The following RFC2 variants were observed in gnomAD, a reference collection of about 807,000 sequenced individuals.
RFC2 encodes the protein replication factor C subunit 2.
Under a neutral mutation model 44.8 loss-of-function variants are expected in RFC2, and 34 were observed. The ratio of observed to expected loss-of-function variants is 0.76; its 90% confidence interval spans 0.58 to 1.01. The LOEUF is 1.01. RFC2 is among the 50% of genes least tolerant of loss of function. The pLI, the probability that RFC2 is intolerant of heterozygous loss-of-function variation, is 0.00. For synonymous variants in RFC2, 177 were observed against 168.9 expected (o/e 1.05, Z -0.37); for missense variants, 400 against 453.6 (o/e 0.88, Z 1.07).
chr7:74,234,486 A>G (rs557262826), intron 10 of RFC2, among the ~76,000 whole-genome samples: 1 of 152,218 alleles, frequency 6.6e-6, no homozygotes, highest in Admixed American at 6.6e-5. Flanking sequence ...ATCAGTCAAT[A>G]CACAAGAGAG....
intron 6 of RFC2, among the ~76,000 whole-genome samples, chr7:74,241,507 C>G (rs935631332): frequency 6.6e-6 from 1 of 152,174 alleles, no homozygotes; most frequent in African/African-American, 2.4e-5. Context: ...GTAATGCGCT[C>G]GTCGGCAACA....
At position 74,232,150 on chromosome 7, in the gene RFC2, G is replaced by C; in HGVS notation, c.1021C>G (p.Leu341Val). Residue 341 changes from leucine (L) to valine (V), a missense_variant, in exon 11 of 11, where the codon CTG (leucine) becomes GTG (valine). Coordinates refer to ENST00000055077, the MANE Select transcript of RFC2 (RefSeq NM_181471.3). ...VNSLLQMAGL[L>V]ARLCQKTMAP... ...ATTGTCTTCTGACACAGCCTTGCCA[G>C]GAGGCCTGCCATCTGCAAAAGAGAG... The C allele has an allele frequency of 6.2e-7, 1 of 1,613,602 alleles. No individual in the cohort carries two copies. The highest frequency in any genetic ancestry group is 8.5e-7 in the Non-Finnish European group (1 of 1,179,476).
chr7:74,234,029 C>A, intron 10 of RFC2: 2 of 412,852 alleles, frequency 4.8e-6, no homozygotes, highest in Non-Finnish European at 9.9e-6. Flanking sequence ...GCTTTATTCA[C>A]AGTCACCACA....
chr7:74,246,105 A>G (rs1191806237), intron 5 of RFC2, among the ~76,000 whole-genome samples: 1 of 151,978 alleles, frequency 6.6e-6, no homozygotes, highest in Non-Finnish European at 1.5e-5. Flanking sequence ...CTGAGGCAGG[A>G]GAATCACGTG....
intron 9 of RFC2, among the ~76,000 whole-genome samples, chr7:74,236,112 G>A (rs1484366702): frequency 5.3e-5 from 8 of 152,232 alleles, no homozygotes; most frequent in African/African-American, 9.6e-5. Flanking sequence ...TCATCCAGCT[G>A]CAGTCCCAAT....
intron 5 of RFC2, among the ~76,000 whole-genome samples, chr7:74,245,714 CA>C (rs1182981268): frequency 0.015 from 1,010 of 65,858 alleles, 3 homozygotes; most frequent in Non-Finnish European, 0.02. Flanking sequence ...CTCCGTCTCA[CA>C]AAAAAAAAAA....
Position 74,238,121 on chromosome 7 carries a change from G to T in RFC2, c.760-679C>A, listed in dbSNP as rs966301554. Among the ~76,000 whole-genome samples the T allele has an allele frequency of 6.6e-6, 1 of 151,928 alleles. No homozygotes were observed. Among genetic ancestry groups the T allele is most frequent in the Admixed American group, 6.6e-5 (1 of 15,226 alleles). Reference sequence around the variant, plus strand: ...GACCCTCCAAGACAAAACAGGGCCCGAACCATCACCCCTGTTTCTGAGCGG... The same window carrying T: ...GACCCTCCAAGACAAAACAGGGCCCTAACCATCACCCCTGTTTCTGAGCGG... On this transcript the variant is annotated intron_variant, in intron 8 of 10. Coordinates refer to ENST00000055077, the MANE Select transcript of RFC2 (RefSeq NM_181471.3). This position sits in a 1 kb window ranked among gnomAD's most constrained non-coding sequence, Gnocchi z 4.0.
chr7:74,239,137 C>A, intron 7 of RFC2, 149 bp from the exon 8 acceptor site: 8 of 570,764 alleles, frequency 1.4e-5, no homozygotes, highest in Non-Finnish European at 2.2e-5. Context: ...GCTGGGATTA[C>A]AGGCATGAGC....
Position 74,254,159 on chromosome 7 carries a change from C to T in RFC2, c.113+112G>A, listed in dbSNP as rs1239620498. ...GATGCCACCCGGGGCCTCCTCCTCC[C>T]TCGGGATTCCCCAAAACGAGCCCCT... On this transcript the variant is annotated intron_variant, in intron 1 of 10. Coordinates refer to ENST00000055077, the MANE Select transcript of RFC2 (RefSeq NM_181471.3). The T allele has an allele frequency of 1.0e-5, 8 of 793,162 alleles. No homozygotes were observed. In the East Asian group the frequency reaches 1.9e-4, roughly 19 times the overall value. The allele number at this position is 793,162 out of a possible 1,614,324, so 49.1% of individuals were successfully genotyped here. A position where few individuals can be genotyped will look rare whatever the true frequency, so the allele number is the denominator to read the frequency against.
At chr7:74,251,992 C>G (rs192702951) in intron 2 of RFC2, among the ~76,000 whole-genome samples, 10,464 of 138,758 alleles carry the variant, frequency 0.075, 1,211 homozygotes, top group African/African-American at 0.26. Context: ...CCAGTTACTC[C>G]GGAGGCTGAG....
chr7:74,251,797 CAAA>C (rs1158873785), intron 2 of RFC2, among the ~76,000 whole-genome samples: 2 of 56,950 alleles, frequency 3.5e-5, no homozygotes, highest in Admixed American at 2.2e-4. Flanking sequence ...GACTCCATCT[CAAA>C]AAAAAAAAAA....
At chr7:74,233,893 T>G (rs1554717757) in intron 10 of RFC2, 1 of 456,636 alleles carries the variant, frequency 2.2e-6, no homozygotes, top group South Asian at 1.5e-5. Flanking sequence ...GTTTGGCAGT[T>G]CCTTATCGAG....
intron 10 of RFC2, among the ~76,000 whole-genome samples, chr7:74,234,116 C>T (rs781787594): frequency 2.6e-5 from 4 of 152,160 alleles, no homozygotes; most frequent in South Asian, 2.1e-4. Context: ...GATTACTTCT[C>T]AGTGATAACA....
rs1348085875 is a variant in RFC2 at position 74,251,880 on chromosome 7, G to A, written c.183+549C>T. 2.7e-5 allele frequency among the ~76,000 whole-genome samples: 4 copies of A among 146,824 alleles called. No homozygotes were observed. The East Asian group carries it at 6.0e-4, about 22-fold the overall frequency. ...TGGGAGGCCGAGGTGGGCAGATCAC[G>A]AGGTCAGGAGATCGAGACCATCCTG... On this transcript the variant is annotated intron_variant, in intron 2 of 10. Coordinates refer to ENST00000055077, the MANE Select transcript of RFC2 (RefSeq NM_181471.3).
intron 3 of RFC2, 136 bp from the exon 4 acceptor site, chr7:74,249,254 C>CAGT: frequency 6.6e-7 from 1 of 1,507,634 alleles, no homozygotes; most frequent in Middle Eastern, 1.7e-4. Flanking sequence ...CAGATCAATA[C>CAGT]AGCTGGCCGG....
In RFC2 at chr7:74,231,728, G is replaced by GGA. The variant is rs1164348817; in HGVS notation, c.*376_*377dup. Reference sequence around the variant, plus strand: ...AGATGGAGACTCTGTCGCCCAGGCTGGAGTGCAATGGTGTGATCTTGGCTC... The same window carrying GGA: ...AGATGGAGACTCTGTCGCCCAGGCTGGAGAGTGCAATGGTGTGATCTTGGCTC... On this transcript the variant is annotated 3_prime_UTR_variant, in exon 11 of 11. Transcript: ENST00000055077. The GGA allele has an allele frequency of 1.9e-5, 3 of 158,130 alleles. No individual in the cohort carries two copies. The highest frequency in any genetic ancestry group is 6.3e-5 in the Admixed American group (1 of 15,836). The allele number at this position is 158,130 out of a possible 1,614,324, so 9.8% of individuals were successfully genotyped here.
Position 74,238,844 on chromosome 7 carries a change from G to T in RFC2, c.759+79C>A. 1.7e-6 allele frequency: 2 copies of T among 1,198,966 alleles called. No individual in the cohort carries two copies. The highest frequency in any genetic ancestry group is 2.5e-6 in the Non-Finnish European group (2 of 806,964). The allele number at this position is 1,198,966 out of a possible 1,614,324, so 74.3% of individuals were successfully genotyped here. On this transcript the variant is annotated intron_variant, in intron 8 of 10. Coordinates refer to ENST00000055077, the MANE Select transcript of RFC2 (RefSeq NM_181471.3). The surrounding 1 kb of genome is among the most constrained non-coding windows in gnomAD (Gnocchi z 4.0). ...AGCTAGATGTCCGTCCCCACTGCCA[G>T]CCCAGCCCTTCAGCCCCACTGGCCC... is the stretch of plus-strand genomic sequence containing the variant.
At chr7:74,239,127 G>A in intron 7 of RFC2, 139 bp from the exon 8 acceptor site, 1 of 659,150 alleles carries the variant, frequency 1.5e-6, no homozygotes, top group Non-Finnish European at 2.7e-6. Context: ...CCTCCCAAGT[G>A]CTGGGATTAC....
chr7:74,249,723 A>C lies in RFC2; in HGVS notation c.225+16T>G, dbSNP rs782735953. 8 of 1,610,412 alleles carry C rather than the reference A, an allele frequency of 5.0e-6. No individual in the cohort carries two copies. Among genetic ancestry groups the C allele is most frequent in the Non-Finnish European group, 6.8e-6 (8 of 1,176,788 alleles). ...AGACATGGAGACACTCAACAGGCCC[A>C]GGGCTGGGTACTCACCGCAATGATG... On this transcript the variant is annotated intron_variant, in intron 3 of 10. Coordinates refer to ENST00000055077, the MANE Select transcript of RFC2 (RefSeq NM_181471.3).
Sources: gnomAD v4.1 joint callset for allele counts (sites outside exome capture counted in the v4.1 genomes callset) on GRCh38, gnomAD v4.1.1 for gene constraint, Gnocchi (gnomAD v3.1) non-coding constraint, MANE v1.5 for transcripts, NCBI Gene and HGNC (gene_info 2026-07-23, HGNC 2026-07-21) for gene names.